Variants in ENAH observed in about 807,000 individuals in gnomAD.
The protein encoded by ENAH is ENAH actin regulator.
In ENAH, 23 loss-of-function variants were observed where a neutral mutation model predicts 78.7. The ratio of observed to expected loss-of-function variants is 0.29; its 90% CI spans 0.21 to 0.41. ENAH has a LOEUF of 0.41. Ranked by LOEUF, ENAH falls within the 10% of genes least tolerant of loss-of-function variation. ENAH has a pLI of 1.00. For missense variants in ENAH, 544 were observed against 691.0 expected, an observed-to-expected ratio of 0.79 and a Z score of 2.39; for synonymous variants, 226 against 241.0, an observed-to-expected ratio of 0.94 and a Z score of 0.58.
chr1:225,528,078 AC>A (rs2096518880), intron 4 of ENAH, among the ~76,000 whole-genome samples: 1 of 152,186 alleles, frequency 6.6e-6, no homozygotes, highest in Non-Finnish European at 1.5e-5. Flanking sequence ...TCTGTCTTAT[AC>A]CCCAAAACCT....
In ENAH at chr1:225,537,925, T is replaced by A. The variant is rs556464428; in HGVS notation, c.350-7287A>T. Among the ~76,000 whole-genome samples the A allele has an allele frequency of 2.6e-5, 4 of 152,318 alleles. No homozygotes were observed. The East Asian group carries it at 7.7e-4, about 29-fold the overall frequency. On this transcript the variant is annotated intron_variant, in intron 3 of 13. Coordinates refer to ENST00000366843, the MANE Select transcript of ENAH (RefSeq NM_018212.6). ...TTGGCATGACTGTATTTTATTACTG[T>A]ATATAATTACTACAGTAGACTCTGC...
intron 3 of ENAH, among the ~76,000 whole-genome samples, chr1:225,545,399 C>A (rs1295149989): frequency 6.6e-6 from 1 of 152,146 alleles, no homozygotes; most frequent in African/African-American, 2.4e-5. Context: ...TTATTAAAGA[C>A]CCTAAAGAGC....
chr1:225,639,104 T>C (rs1019355318), intron 1 of ENAH, among the ~76,000 whole-genome samples: 6 of 152,146 alleles, frequency 3.9e-5, no homozygotes, highest in African/African-American at 1.4e-4. Context: ...AGTGCAAACA[T>C]TCCAAAAGAT....
chr1:225,638,677 T>C (rs997240562), intron 1 of ENAH, among the ~76,000 whole-genome samples: 2 of 152,102 alleles, frequency 1.3e-5, no homozygotes, highest in African/African-American at 2.4e-5. Flanking sequence ...CCAAGAGCAA[T>C]GGGAAGGCAC....
At chr1:225,559,859 AAGTG>A (rs1337524620) in intron 2 of ENAH, among the ~76,000 whole-genome samples, 1 of 152,136 alleles carries the variant, frequency 6.6e-6, no homozygotes, top group African/African-American at 2.4e-5. Context: ...ACACTGGAAA[AAGTG>A]AGATCAAGGT....
Position 225,488,622 on chromosome 1 carries a change from ATTCAG to A in ENAH, c.*9148_*9152del, listed in dbSNP as rs1247965180. Reference sequence around the variant, plus strand: ...CTCAAAATAGAATTCTTTCTAGCTCATTCAGTTTTGTTAGAAACACTTCATGTTCT... The same window carrying A: ...CTCAAAATAGAATTCTTTCTAGCTCATTTTGTTAGAAACACTTCATGTTCT... On this transcript the variant is annotated 3_prime_UTR_variant, in exon 14 of 14. Coordinates refer to ENST00000366843, the MANE Select transcript of ENAH (RefSeq NM_018212.6). The A allele has an allele frequency of 3.3e-5, 5 of 152,232 alleles. No homozygotes were observed. The highest frequency in any genetic ancestry group is 7.3e-5 in the Non-Finnish European group (5 of 68,042). 9.4% of individuals were successfully genotyped at this position (152,232 alleles called of 1,614,324 possible).
intron 1 of ENAH, among the ~76,000 whole-genome samples, chr1:225,608,815 CAAAAAAA>C (rs928281132): frequency 1.9e-4 from 4 of 20,668 alleles, no homozygotes; most frequent in African/African-American, 6.6e-4. Context: ...GACTCTGTCT[CAAAAAAA>C]AAAAAAAAAA....
At chr1:225,608,904 C>T (rs2096972706) in intron 1 of ENAH, among the ~76,000 whole-genome samples, 1 of 149,116 alleles carries the variant, frequency 6.7e-6, no homozygotes, top group Non-Finnish European at 1.5e-5. Context: ...AAACAAGTCA[C>T]TTGAGTAATG....
At chr1:225,535,521 C>T (rs1301700589) in intron 3 of ENAH, 3 of 1,303,218 alleles carry the variant, frequency 2.3e-6, no homozygotes, top group East Asian at 5.6e-5. Flanking sequence ...GAAAATACAT[C>T]GCAAATTAGT....
chr1:225,535,687 C>T, intron 3 of ENAH: 1 of 312,506 alleles, frequency 3.2e-6, no homozygotes, highest in East Asian at 9.0e-5. Flanking sequence ...CTATCTAGAT[C>T]CTCATCCTGG....
chr1:225,598,961 T>C (rs1293019934), intron 1 of ENAH, among the ~76,000 whole-genome samples: 1 of 152,162 alleles, frequency 6.6e-6, no homozygotes, highest in Non-Finnish European at 1.5e-5. Context: ...AGGATGTCTT[T>C]AAAATGGAGA....
intron 1 of ENAH, among the ~76,000 whole-genome samples, chr1:225,616,093 A>T (rs1252422908): frequency 1.3e-5 from 2 of 152,172 alleles, no homozygotes; most frequent in South Asian, 2.1e-4. Context: ...TTAAGGGCGG[A>T]GCAAGATGTG....
chr1:225,581,386 G>A, intron 1 of ENAH: 1 of 632,880 alleles, frequency 1.6e-6, no homozygotes, highest in Non-Finnish European at 2.0e-6. Flanking sequence ...GCACCAGGCA[G>A]AGCCAAGTTA....
chr1:225,620,193 C>T (rs1017156314), intron 1 of ENAH, among the ~76,000 whole-genome samples: 1 of 151,742 alleles, frequency 6.6e-6, no homozygotes, highest in African/African-American at 2.4e-5. Context: ...TCTCTGAATG[C>T]TTTTCAATGT....
At chr1:225,558,072 C>CATATAAAATATATATATATATAAAA (rs2096676401) in intron 2 of ENAH, among the ~76,000 whole-genome samples, 1 of 152,128 alleles carries the variant, frequency 6.6e-6, no homozygotes, top group Non-Finnish European at 1.5e-5. Context: ...TCTTGGTCCT[C>CATATAAAATATATATATATATAAAA]ATATATCAAT....
intron 1 of ENAH, among the ~76,000 whole-genome samples, chr1:225,627,711 A>G (rs1658204949): frequency 6.6e-6 from 1 of 152,180 alleles, no homozygotes; most frequent in South Asian, 2.1e-4. Flanking sequence ...GTTGTTAATG[A>G]TTTCCTAGCT....
chr1:225,536,075 T>C (rs1273630441), intron 3 of ENAH, among the ~76,000 whole-genome samples: 1 of 152,142 alleles, frequency 6.6e-6, no homozygotes, highest in Non-Finnish European at 1.5e-5. Context: ...TAAAGAGTTT[T>C]ATATTCACTG....
Position 225,489,248 on chromosome 1 carries a change from T to A in ENAH, c.*8527A>T, listed in dbSNP as rs981859854. ...GTGTGGTCCCATTACATGATTGGAA[T>A]CAGTCTTTCTGAACGGCAGAATGTG... On this transcript the variant is annotated 3_prime_UTR_variant, in exon 14 of 14. Transcript: ENST00000366843. 3 of 152,168 alleles carry A rather than the reference T, an allele frequency of 2.0e-5. No homozygotes were observed. Among genetic ancestry groups the A allele is most frequent in the Admixed American group, 6.5e-5 (1 of 15,284 alleles). The allele number at this position is 152,168 out of a possible 1,614,324, so 9.4% of individuals were successfully genotyped here.
At chr1:225,606,121 T>C (rs1449657342) in intron 1 of ENAH, among the ~76,000 whole-genome samples, 2 of 152,180 alleles carry the variant, frequency 1.3e-5, no homozygotes, top group African/African-American at 2.4e-5. Flanking sequence ...CTTTTAATGT[T>C]ATATTAGACC....
Sources: allele counts gnomAD v4.1 joint callset (sites outside exome capture counted in the v4.1 genomes callset), GRCh38; gene constraint gnomAD v4.1.1; transcripts MANE v1.5; gene names NCBI Gene and HGNC (gene_info 2026-07-23, HGNC 2026-07-21).